Variants in MCM6 observed in about 807,000 individuals in gnomAD.
The protein encoded by MCM6 is minichromosome maintenance complex component 6.
MCM6 carries 46 observed loss-of-function variants against 94.3 expected under a neutral mutation model. The observed-to-expected ratio is 0.49, with a 90% confidence interval of 0.39 to 0.62. MCM6 has a LOEUF of 0.62. Ranked by LOEUF, MCM6 falls within the 20% of genes least tolerant of loss-of-function variation. The pLI, the probability that MCM6 is intolerant of heterozygous loss-of-function variation, is 0.00. For synonymous variants in MCM6, 335 were observed against 351.9 expected (o/e 0.95, Z 0.54); for missense variants, 865 against 1,017.9 (o/e 0.85, Z 2.04).
At position 135,845,957 on chromosome 2, in the gene MCM6, T is replaced by C. The variant is rs535194556; in HGVS notation, c.2209+280A>G. Reference sequence around the variant, plus strand: ...TTGCATTTGTAAAAACATTTGTATGTGCTGCTTCATATGTTATCAGGTCCC... The same window carrying C: ...TTGCATTTGTAAAAACATTTGTATGCGCTGCTTCATATGTTATCAGGTCCC... On this transcript the variant is annotated intron_variant, in intron 15 of 16. Coordinates refer to ENST00000264156, the MANE Select transcript of MCM6 (RefSeq NM_005915.6). Among the ~76,000 whole-genome samples, 6 of 152,358 alleles carry C rather than the reference T, an allele frequency of 3.9e-5. No homozygotes were observed. In the East Asian group the frequency reaches 1.2e-3, roughly 29 times the overall value.
At chr2:135,850,062 G>C (rs1401103607) in intron 13 of MCM6, among the ~76,000 whole-genome samples, 1 of 152,004 alleles carries the variant, frequency 6.6e-6, no homozygotes, top group Non-Finnish European at 1.5e-5. Flanking sequence ...CCTAAGACAT[G>C]TACCAGTTTT....
chr2:135,866,138 G>A lies in MCM6; in HGVS notation c.921C>T (p.Asn307=). The A allele has an allele frequency of 1.2e-6, 2 of 1,614,046 alleles. No individual in the cohort carries two copies. The highest frequency in any genetic ancestry group is 1.7e-6 in the Non-Finnish European group (2 of 1,180,016). Residue 307 remains asparagine, a synonymous_variant, in exon 6 of 17, where the codon AAC becomes AAT. Transcript: ENST00000264156. ...VFLACCVAPT[N]PRFGGKELRD... ...AACCCCCAAAACGACTGACCCTTGG[G>A]TTGGTTGGCGCAACACAGCAGGCAA...
At chr2:135,844,793 A>G (rs562896459) in intron 15 of MCM6, 109 bp from the exon 16 acceptor site, 2 of 1,166,850 alleles carry the variant, frequency 1.7e-6, no homozygotes, top group East Asian at 2.8e-5. Flanking sequence ...GATAAATGTC[A>G]AGCCGTCCGA....
intron 8 of MCM6, among the ~76,000 whole-genome samples, chr2:135,860,061 C>G (rs995198184): frequency 1.3e-5 from 2 of 152,078 alleles, no homozygotes; most frequent in Non-Finnish European, 2.9e-5. Context: ...ACTTTGGCCT[C>G]CCAAAGTGCT....
chr2:135,864,535 C>A (rs309175), intron 7 of MCM6, among the ~76,000 whole-genome samples: 152,086 of 152,326 alleles, frequency 1, 75,923 homozygotes, highest in Middle Eastern at 1. Context: ...AGACTAGTCT[C>A]GCATATGGAA....
chr2:135,841,059 C>A, intron 16 of MCM6, 108 bp from the exon 17 acceptor site: 1 of 777,460 alleles, frequency 1.3e-6, no homozygotes. Context: ...CATTTTCTTT[C>A]ATTTCCCAAC....
intron 8 of MCM6, among the ~76,000 whole-genome samples, chr2:135,860,692 AGAG>A (rs1207655624): frequency 6.6e-6 from 1 of 152,254 alleles, no homozygotes; most frequent in Non-Finnish European, 1.5e-5. Flanking sequence ...AACCAGGAAT[AGAG>A]GAGGTTTTCC....
chr2:135,847,918 T>C (rs937461578), intron 14 of MCM6, 135 bp downstream of exon 14: 21 of 610,028 alleles, frequency 3.4e-5, no homozygotes, highest in Non-Finnish European at 6.2e-5. Flanking sequence ...AAACAGTGAA[T>C]AGAATTCAGT....
At chr2:135,859,255 G>C in intron 9 of MCM6, 46 bp downstream of exon 9, 1 of 1,499,706 alleles carries the variant, frequency 6.7e-7, no homozygotes, top group Non-Finnish European at 9.2e-7. Context: ...TGATAGGGTA[G>C]GGGTATTCTG....
rs1029805572 is a variant in MCM6, at chr2:135,876,310, C to T, written c.56G>A (p.Arg19His). The change falls in exon 1 of 17, where the codon CGC becomes CAC. Residue 19 changes from arginine to histidine, a missense_variant. Arg to His is a conservative substitution (Grantham distance 29). This residue lies in a region of MCM6 where 404 missense variants were observed against 451.9 expected (regional missense o/e 0.89). Coordinates refer to ENST00000264156, the MANE Select transcript of MCM6 (RefSeq NM_005915.6). ...PGAGSQHLEV[R>H]DEVAEKCQKL... Reference sequence around the variant, plus strand: ...CTGGCACTTCTCGGCCACCTCGTCGCGGACCTCCAGGTGCTGGCTGCCGGC... The same window carrying T: ...CTGGCACTTCTCGGCCACCTCGTCGTGGACCTCCAGGTGCTGGCTGCCGGC... 1.9e-6 allele frequency: 3 copies of T among 1,611,262 alleles called. No individual in the cohort carries two copies. Among genetic ancestry groups the T allele is most frequent in the African/African-American group, 1.3e-5 (1 of 74,834 alleles).
intron 7 of MCM6, among the ~76,000 whole-genome samples, chr2:135,864,245 A>C (rs145316321): frequency 8.1e-4 from 124 of 152,348 alleles, no homozygotes; most frequent in African/African-American, 2.9e-3. Context: ...CCTTCAAAAC[A>C]CAGCTTGCAA....
At chr2:135,857,782 A>T in intron 10 of MCM6, 115 bp downstream of exon 10, 1 of 759,612 alleles carries the variant, frequency 1.3e-6, no homozygotes, top group Non-Finnish European at 2.2e-6. Context: ...TTTCCATTTT[A>T]ATGAACAGCA....
rs535738809 is a variant in MCM6 at position 135,868,498 on chromosome 2, C to T, written c.615+113G>A. On this transcript the variant is annotated intron_variant, in intron 4 of 16. Transcript: ENST00000264156. ...TAACTTTGTAGTCATTTTGATGATG[C>T]TTAACTTACATAAAAATTGAGTTGA... is the stretch of plus-strand genomic sequence containing the variant. 7.5e-6 allele frequency: 8 copies of T among 1,071,266 alleles called. No individual in the cohort carries two copies. The East Asian group carries it at 1.5e-4, about 20-fold the overall frequency. The allele number at this position is 1,071,266 out of a possible 1,614,324, so 66.4% of individuals were successfully genotyped here. A position where few individuals can be genotyped will look rare whatever the true frequency, so the allele number is the denominator to read the frequency against.
At chr2:135,869,995 AT>A (rs1327230216) in intron 3 of MCM6, among the ~76,000 whole-genome samples, 50 of 152,176 alleles carry the variant, frequency 3.3e-4, no homozygotes, top group Non-Finnish European at 4.3e-4. Flanking sequence ...TTGTTTTATA[AT>A]TATTGTGATT....
Position 135,862,602 on chromosome 2 carries a change from C to T in MCM6, c.1220+5G>A, listed in dbSNP as rs1372116181. ...CCTGCAACACTGTATCAGGCAAACG[C>T]TTACTTGAGAAATTGGCTCTTAGCT... is the stretch of plus-strand genomic sequence containing the variant. On this transcript the variant is annotated splice_donor_5th_base_variant and intron_variant, in intron 8 of 16. Transcript: ENST00000264156. 6.2e-7 allele frequency: 1 copy of T among 1,614,076 alleles called. No individual in the cohort carries two copies. The highest frequency in any genetic ancestry group is 1.1e-5 in the South Asian group (1 of 91,074).
intron 3 of MCM6, 95 bp from the exon 4 acceptor site, chr2:135,868,955 TAA>T: frequency 1.7e-6 from 2 of 1,204,704 alleles, no homozygotes; most frequent in Non-Finnish European, 2.3e-6. Flanking sequence ...AATTTATGTT[TAA>T]AAAAAAAATT....
chr2:135,841,668 T>C (rs1444211844), intron 16 of MCM6, among the ~76,000 whole-genome samples: 1 of 152,242 alleles, frequency 6.6e-6, no homozygotes, highest in African/African-American at 2.4e-5. Context: ...CTTTCAAATC[T>C]ACCCCTGAAG....
chr2:135,847,523 T>C (rs114754434), intron 14 of MCM6, among the ~76,000 whole-genome samples: 1 of 152,198 alleles, frequency 6.6e-6, no homozygotes, highest in East Asian at 1.9e-4. Flanking sequence ...GGGATTTATG[T>C]CTATTATCAC....
Position 135,840,862 on chromosome 2 carries a change from A to G in MCM6, c.2439T>C (p.Val813=), listed in dbSNP as rs1396619994. The change falls in exon 17 of 17, where the codon GTT becomes GTC. Residue 813 remains valine (V), a synonymous_variant. Transcript: ENST00000264156. ...ESYEEDPYLV[V]NPNYLLED is the part of the protein sequence containing the mutation. The stretch of plus-strand genomic sequence containing the variant: ...AATCTTCGAGCAAGTAGTTAGGGTT[A>G]ACTACCAAGTAGGGATCTTCTTCAT... 1 of 1,613,838 alleles carries G rather than the reference A, an allele frequency of 6.2e-7. No homozygotes were observed. The highest frequency in any genetic ancestry group is 8.5e-7 in the Non-Finnish European group (1 of 1,179,678).
Sources: gnomAD v4.1 joint callset for allele counts (sites outside exome capture counted in the v4.1 genomes callset) on GRCh38, gnomAD v4.1.1 for gene constraint, gnomAD v4.1.1 regional missense constraint, MANE v1.5 for transcripts, NCBI Gene and HGNC (gene_info 2026-07-23, HGNC 2026-07-21) for gene names.